The following SOX5 variants were observed in gnomAD, a reference collection of about 807,000 sequenced individuals.
SOX5 encodes transcription factor SOX-5.
In SOX5, 9 loss-of-function variants were observed where a neutral mutation model predicts 92.0. The ratio of observed to expected loss-of-function variants is 0.10; its 90% confidence interval spans 0.06 to 0.17. The LOEUF is 0.17. Among genes scored for constraint, SOX5 ranks in the 10% least tolerant of loss-of-function variants. SOX5 has a pLI of 1.00. For synonymous variants in SOX5, 344 were observed against 336.3 expected, an observed-to-expected ratio of 1.02 and a Z score of -0.25; for missense variants, 642 against 944.5, an observed-to-expected ratio of 0.68 and a Z score of 4.20.
At chr12:24,110,769 C>T (rs892236233) in intron 4 of SOX5, among the ~76,000 whole-genome samples, 1 of 151,410 alleles carries the variant, frequency 6.6e-6, no homozygotes, top group African/African-American at 2.4e-5. Flanking sequence ...GGCATAGTGG[C>T]AGGCGCCTGT....
At chr12:24,352,831 T>C (rs973452040) in intron 2 of SOX5, among the ~76,000 whole-genome samples, 2 of 152,130 alleles carry the variant, frequency 1.3e-5, no homozygotes, top group African/African-American at 4.8e-5. Flanking sequence ...CAGCCTAGAA[T>C]TGCACACTCC....
At chr12:24,168,030 T>C (rs1390735964) in intron 4 of SOX5, among the ~76,000 whole-genome samples, 2 of 152,250 alleles carry the variant, frequency 1.3e-5, no homozygotes, top group Non-Finnish European at 2.9e-5. Context: ...ATTCTTTTTT[T>C]CTTTTCAAAG....
intron 2 of SOX5, among the ~76,000 whole-genome samples, chr12:23,887,575 T>C (rs754965624): frequency 1.3e-5 from 2 of 152,186 alleles, no homozygotes; most frequent in African/African-American, 2.4e-5. Context: ...TGCTTCTTAG[T>C]GTCCTGGCTA....
At chr12:23,757,872 T>G (rs762791587) in intron 3 of SOX5, among the ~76,000 whole-genome samples, 11 of 151,818 alleles carry the variant, frequency 7.2e-5, no homozygotes, top group Non-Finnish European at 1.6e-4. Context: ...CTGTCTAAGT[T>G]GCAGAGTTAA....
At chr12:24,269,839 ATTTTTTTTTTTTTTTTTT>A (rs56939628) in intron 3 of SOX5, among the ~76,000 whole-genome samples, 1 of 62,096 alleles carries the variant, frequency 1.6e-5, no homozygotes, top group Admixed American at 2.5e-4. Flanking sequence ...CCACCATGCA[ATTTTTTTTTTTTTTTTTT>A]TTTTTTTTTT....
At chr12:24,103,323 A>C (rs1569542963) in intron 4 of SOX5, among the ~76,000 whole-genome samples, 1 of 150,998 alleles carries the variant, frequency 6.6e-6, no homozygotes, top group Non-Finnish European at 1.5e-5. Context: ...AGGATCTCAA[A>C]CATCTTTAAT....
intron 6 of SOX5, among the ~76,000 whole-genome samples, chr12:23,700,005 G>C (rs2090405506): frequency 6.6e-6 from 1 of 152,020 alleles, no homozygotes; most frequent in Non-Finnish European, 1.5e-5. Flanking sequence ...AGAAATGATG[G>C]GTGCAATTTC....
chr12:23,981,772 TTAATTAAC>T (rs1266456809), intron 4 of SOX5, among the ~76,000 whole-genome samples: 1 of 152,168 alleles, frequency 6.6e-6, no homozygotes, highest in African/African-American at 2.4e-5. Context: ...AATTAATTAA[TTAATTAAC>T]AATTAATTCT....
chr12:23,916,309 A>C (rs1314783864), intron 1 of SOX5, among the ~76,000 whole-genome samples: 2 of 152,194 alleles, frequency 1.3e-5, no homozygotes, highest in Non-Finnish European at 2.9e-5. Flanking sequence ...AGAGAAAACA[A>C]TTGAACTAGA....
intron 1 of SOX5, among the ~76,000 whole-genome samples, chr12:23,898,245 T>G (rs2097196834): frequency 6.6e-6 from 1 of 152,212 alleles, no homozygotes; most frequent in Non-Finnish European, 1.5e-5. Context: ...GCATGTAGCT[T>G]GACTATAAGG....
intron 4 of SOX5, among the ~76,000 whole-genome samples, chr12:24,025,169 A>G (rs2136744721): frequency 6.6e-6 from 1 of 152,148 alleles, no homozygotes; most frequent in Admixed American, 6.6e-5. Flanking sequence ...GAAAGCTCCC[A>G]AATGGTGGGA....
intron 2 of SOX5, among the ~76,000 whole-genome samples, chr12:24,284,975 A>C (rs1945680351): frequency 6.6e-6 from 1 of 152,050 alleles, no homozygotes; most frequent in Admixed American, 6.5e-5. Flanking sequence ...AAATACAAAA[A>C]TTAGCTGGGC....
At chr12:23,744,309 A>G (rs1041163327) in intron 4 of SOX5, among the ~76,000 whole-genome samples, 1 of 152,172 alleles carries the variant, frequency 6.6e-6, no homozygotes, top group Non-Finnish European at 1.5e-5. Flanking sequence ...ATAGTTTCAC[A>G]TTCAATGAAA....
chr12:24,022,050 G>T (rs539038831), intron 4 of SOX5, among the ~76,000 whole-genome samples: 3 of 152,188 alleles, frequency 2.0e-5, no homozygotes, highest in African/African-American at 7.2e-5. Flanking sequence ...CTAGGCACTG[G>T]AGATAAAATG....
chr12:24,159,014 C>A (rs1183062830), intron 4 of SOX5, among the ~76,000 whole-genome samples: 1 of 151,804 alleles, frequency 6.6e-6, no homozygotes, highest in Non-Finnish European at 1.5e-5. Flanking sequence ...AGGATCAAAG[C>A]AATCATTTTG....
chr12:23,582,824 A>G (rs889356164), intron 9 of SOX5, among the ~76,000 whole-genome samples: 2 of 152,062 alleles, frequency 1.3e-5, no homozygotes, highest in Non-Finnish European at 2.9e-5. Flanking sequence ...GGTTGGGGAC[A>G]TGTTCTTCAA....
chr12:24,088,698 T>C (rs1006628987), intron 4 of SOX5, among the ~76,000 whole-genome samples: 1 of 151,998 alleles, frequency 6.6e-6, no homozygotes, highest in Non-Finnish European at 1.5e-5. Context: ...AATATGGCTA[T>C]AGATTATACT....
intron 1 of SOX5, among the ~76,000 whole-genome samples, chr12:24,472,243 C>T (rs11047466): frequency 0.3 from 44,869 of 152,008 alleles, 6,721 homozygotes; most frequent in Middle Eastern, 0.35. Flanking sequence ...CTGGGATTGA[C>T]AGCCCAATGG....
chr12:23,850,784 A>G (rs2096624975), intron 2 of SOX5, among the ~76,000 whole-genome samples: 1 of 152,198 alleles, frequency 6.6e-6, no homozygotes, highest in African/African-American at 2.4e-5. Context: ...CTTTGGGACT[A>G]CCGATCCCTT....
Sources: allele counts gnomAD v4.1 joint callset (sites outside exome capture counted in the v4.1 genomes callset), GRCh38; gene constraint gnomAD v4.1.1; transcripts MANE v1.5; gene names NCBI Gene and HGNC (gene_info 2026-07-23, HGNC 2026-07-21).